The following DOCK5 variants were observed in gnomAD, a reference collection of about 807,000 sequenced individuals.
The protein encoded by DOCK5 is dedicator of cytokinesis 5.
In DOCK5, 142 loss-of-function variants were observed where a neutral mutation model predicts 251.8. The observed-to-expected ratio is 0.56, with a 90% CI of 0.49 to 0.65. The LOEUF (loss-of-function observed/expected upper bound fraction) is 0.65. Ranked by LOEUF, DOCK5 falls within the 30% of genes least tolerant of loss-of-function variation. The pLI is 0.00. For missense variants in DOCK5, 2,111 were observed against 2,312.3 expected, an observed-to-expected ratio of 0.91 and a Z score of 1.79; for synonymous variants, 842 against 835.5, an observed-to-expected ratio of 1.01 and a Z score of -0.13.
chr8:25,289,295 T>G (rs1402547014), intron 5 of DOCK5, among the ~76,000 whole-genome samples: 1 of 151,398 alleles, frequency 6.6e-6, no homozygotes, highest in East Asian at 2.0e-4. Context: ...CATTGTTTTT[T>G]GGGGGGTTTT....
chr8:25,379,877 T>G (rs1157356394), intron 38 of DOCK5, among the ~76,000 whole-genome samples: 1 of 137,370 alleles, frequency 7.3e-6, no homozygotes, highest in African/African-American at 2.7e-5. Flanking sequence ...CACACACCCA[T>G]ACACACACCT....
chr8:25,308,978 C>G, intron 12 of DOCK5, 53 bp downstream of exon 12: 2 of 1,582,090 alleles, frequency 1.3e-6, no homozygotes, highest in Admixed American at 1.7e-5. Context: ...GGGGGACATT[C>G]ACAGCTGGGT....
chr8:25,397,527 A>T (rs1801367365), intron 45 of DOCK5, among the ~76,000 whole-genome samples: 1 of 152,234 alleles, frequency 6.6e-6, no homozygotes, highest in Non-Finnish European at 1.5e-5. Flanking sequence ...TCAACACCAG[A>T]GACAAATTCT....
chr8:25,309,479 G>A (rs919534455), intron 12 of DOCK5, among the ~76,000 whole-genome samples: 58 of 152,022 alleles, frequency 3.8e-4, no homozygotes, highest in African/African-American at 1.4e-3. Flanking sequence ...CACCGCCCCT[G>A]GCCTCCATGT....
intron 9 of DOCK5, among the ~76,000 whole-genome samples, chr8:25,301,151 A>G (rs1279426502): frequency 6.6e-6 from 1 of 152,238 alleles, no homozygotes; most frequent in Admixed American, 6.5e-5. Flanking sequence ...AACTTTATAA[A>G]TACTTATGTA....
chr8:25,277,146 A>G, intron 4 of DOCK5: 1 of 154,216 alleles, frequency 6.5e-6, no homozygotes, highest in East Asian at 1.9e-4. Flanking sequence ...AAAGCAAACC[A>G]CTGGAAATTC....
At chr8:25,256,195 A>G (rs1182229759) in intron 2 of DOCK5, among the ~76,000 whole-genome samples, 2 of 152,300 alleles carry the variant, frequency 1.3e-5, no homozygotes, top group East Asian at 3.9e-4. Context: ...AATATTAGAT[A>G]TGTGTGTGTG....
intron 45 of DOCK5, chr8:25,395,938 G>GA (rs199610105): frequency 5.8e-5 from 38 of 651,592 alleles, no homozygotes; most frequent in Middle Eastern, 3.7e-4. Context: ...AAGCGTCACA[G>GA]AAAAAAAACC....
chr8:25,259,709 C>A (rs1803520767), intron 2 of DOCK5, among the ~76,000 whole-genome samples: 1 of 152,160 alleles, frequency 6.6e-6, no homozygotes, highest in African/African-American at 2.4e-5. Context: ...GATCCTCCTG[C>A]CTTGGCCTCC....
chr8:25,268,268 A>G (rs967301090), intron 2 of DOCK5, among the ~76,000 whole-genome samples: 7 of 152,090 alleles, frequency 4.6e-5, no homozygotes, highest in African/African-American at 1.4e-4. Flanking sequence ...CATTACCAAG[A>G]ATTGCACGTA....
intron 39 of DOCK5, 148 bp from the exon 40 acceptor site, chr8:25,382,526 G>A: frequency 1.5e-6 from 1 of 650,956 alleles, no homozygotes; most frequent in East Asian, 2.9e-5. Context: ...CCGAGAATAG[G>A]ATAACCCTTT....
intron 28 of DOCK5, among the ~76,000 whole-genome samples, chr8:25,362,462 C>CTTTTTT (rs869096662): frequency 4.5e-3 from 243 of 54,584 alleles, no homozygotes; most frequent in East Asian, 9.3e-3. Context: ...CTTTTCTTTT[C>CTTTTTT]TTTTTTTTTT....
chr8:25,367,073 C>G, intron 31 of DOCK5, 103 bp downstream of exon 31: 1 of 1,019,874 alleles, frequency 9.8e-7, no homozygotes, highest in Non-Finnish European at 1.5e-6. Context: ...TAGTGGCTAC[C>G]CATGTTGTTA....
At chr8:25,341,913 T>A in intron 24 of DOCK5, 104 bp downstream of exon 24, 1 of 904,616 alleles carries the variant, frequency 1.1e-6, no homozygotes, top group Non-Finnish European at 1.7e-6. Context: ...TTCTAAGAAG[T>A]ATTAACTGAA....
intron 2 of DOCK5, among the ~76,000 whole-genome samples, chr8:25,254,807 A>C (rs1389477012): frequency 7.3e-6 from 1 of 137,724 alleles, no homozygotes; most frequent in Non-Finnish European, 1.6e-5. Context: ...AAAAAAAAAC[A>C]TTTGATAAAG....
rs573631849 is a variant in DOCK5, at chr8:25,392,590, C to A, written c.4441-206C>A. On this transcript the variant is annotated intron_variant, in intron 43 of 51. Transcript: ENST00000276440. ...TTTCCCTCTGTAGGGTGAGAAGTCC[C>A]AAGTAGACGATCCCTTTCAGCTTTA... 3.3e-5 allele frequency among the ~76,000 whole-genome samples: 5 copies of A among 152,234 alleles called. No individual in the cohort carries two copies. In the East Asian group the frequency reaches 9.7e-4, roughly 30 times the overall value.
At position 25,351,800 on chromosome 8, in the gene DOCK5, G is replaced by T. The variant is rs1419022620; in HGVS notation, c.2824G>T (p.Gly942Trp). 6.2e-7 allele frequency: 1 copy of T among 1,613,730 alleles called. No individual in the cohort carries two copies. The highest frequency in any genetic ancestry group is 8.5e-7 in the Non-Finnish European group (1 of 1,179,830). Reference sequence around the variant, plus strand: ...GAGAAGGATCAACCGGACAGTGATTGGGATGAACCGGCAGTCTCCCCACAT... The same window carrying T: ...GAGAAGGATCAACCGGACAGTGATTTGGATGAACCGGCAGTCTCCCCACAT... Reference protein sequence around the residue: ...LLRRINRTVIGMNRQSPHIGS... With the variant: ...LLRRINRTVIWMNRQSPHIGS... The change falls in exon 27 of 52, where the codon GGG becomes TGG. Residue 942 changes from glycine (G) to tryptophan (W), a missense_variant. By Grantham distance (184) the Gly-to-Trp change is radical. Coordinates refer to ENST00000276440, the MANE Select transcript of DOCK5 (RefSeq NM_024940.8).
rs774643408 is a variant in DOCK5 at position 25,401,040 on chromosome 8, G to A, written c.4900G>A (p.Glu1634Lys). 6.2e-7 allele frequency: 1 copy of A among 1,614,042 alleles called. No homozygotes were observed. Among genetic ancestry groups the A allele is most frequent in the Non-Finnish European group, 8.5e-7 (1 of 1,179,890 alleles). ...SCFRELKEKV[E>K]KHYGVITLPP... Reference sequence around the variant, plus strand: ...CTTCCGGGAACTCAAGGAGAAAGTAGAAAAGCACTATGGGGTTATAACACT... The same window carrying A: ...CTTCCGGGAACTCAAGGAGAAAGTAAAAAAGCACTATGGGGTTATAACACT... The change falls in exon 47 of 52, where the codon GAA becomes AAA. Residue 1634 changes from glutamate to lysine, a missense_variant. Coordinates refer to ENST00000276440, the MANE Select transcript of DOCK5 (RefSeq NM_024940.8).
intron 29 of DOCK5, among the ~76,000 whole-genome samples, chr8:25,363,733 C>T (rs1800728861): frequency 6.6e-6 from 1 of 152,236 alleles, no homozygotes; most frequent in Non-Finnish European, 1.5e-5. Flanking sequence ...GCTACCTGTA[C>T]TCCAACCAAA....
Sources: allele counts gnomAD v4.1 joint callset (sites outside exome capture counted in the v4.1 genomes callset), GRCh38; gene constraint gnomAD v4.1.1; transcripts MANE v1.5; gene names NCBI Gene and HGNC (gene_info 2026-07-23, HGNC 2026-07-21).